The following TMEM150C variants were observed in gnomAD, a reference collection of about 807,000 sequenced individuals.
TMEM150C encodes the protein transmembrane protein 150C.
Under a neutral mutation model 29.9 loss-of-function variants are expected in TMEM150C, and 10 were observed. The observed-to-expected ratio is 0.33, with a 90% CI of 0.21 to 0.57. The LOEUF is 0.57. TMEM150C is among the 20% of genes least tolerant of loss of function. The pLI, the probability that TMEM150C is intolerant of heterozygous loss-of-function variation, is 0.88. For synonymous variants in TMEM150C, 101 were observed against 112.5 expected (o/e 0.90, Z 0.64); for missense variants, 251 against 303.6 (o/e 0.83, Z 1.29).
At chr4:82,541,139 A>AT (rs1000680523) in intron 1 of TMEM150C, among the ~76,000 whole-genome samples, 9 of 152,314 alleles carry the variant, frequency 5.9e-5, no homozygotes, top group African/African-American at 2.2e-4. Flanking sequence ...AGTAAGGATG[A>AT]TTTATATACT....
At chr4:82,512,138 G>T (rs1724146998) in intron 1 of TMEM150C, among the ~76,000 whole-genome samples, 1 of 152,184 alleles carries the variant, frequency 6.6e-6, no homozygotes, top group African/African-American at 2.4e-5. Context: ...CAAATGGGAA[G>T]AATTTGCATC....
At chr4:82,533,530 A>C (rs1490993863) in intron 1 of TMEM150C, among the ~76,000 whole-genome samples, 2 of 152,200 alleles carry the variant, frequency 1.3e-5, no homozygotes, top group Non-Finnish European at 2.9e-5. Flanking sequence ...ATTTTTTTAC[A>C]TATCTACCGT....
chr4:82,495,418 G>A, intron 6 of TMEM150C: 1 of 288,378 alleles, frequency 3.5e-6, no homozygotes, highest in Non-Finnish European at 6.6e-6. Context: ...TAAAACCTGG[G>A]CGACAGAGCG....
Position 82,490,315 on chromosome 4 carries a change from G to A in TMEM150C, c.364-77C>T, listed in dbSNP as rs534511077. 6.7e-5 allele frequency: 85 copies of A among 1,259,458 alleles called. No homozygotes were observed. The African/African-American group carries it at 9.6e-4, about 14-fold the overall frequency. The allele number at this position is 1,259,458 out of a possible 1,614,324, so 78.0% of individuals were successfully genotyped here. ...AGGCAAGTTGAAGGAATGAATATAT[G>A]AGGGGAAAAGATAGGAAAAGAAATA... On this transcript the variant is annotated intron_variant, in intron 6 of 7. Transcript: ENST00000449862.
chr4:82,536,300 G>A (rs369207002), intron 1 of TMEM150C, among the ~76,000 whole-genome samples: 7 of 148,392 alleles, frequency 4.7e-5, no homozygotes, highest in South Asian at 4.3e-4. Flanking sequence ...GGAGGTTGCC[G>A]TGAGCTGAGA....
At chr4:82,531,679 C>T (rs368898245) in intron 1 of TMEM150C, among the ~76,000 whole-genome samples, 10 of 141,792 alleles carry the variant, frequency 7.1e-5, no homozygotes, top group Non-Finnish European at 1.1e-4. Flanking sequence ...TGCTTGAACC[C>T]GGGAGGTGGA....
At chr4:82,514,894 G>GA (rs916096012) in intron 1 of TMEM150C, among the ~76,000 whole-genome samples, 5 of 151,266 alleles carry the variant, frequency 3.3e-5, no homozygotes, top group African/African-American at 1.2e-4. Flanking sequence ...ACTGTTATGT[G>GA]AAAAAAAAAT....
At chr4:82,500,517 A>G (rs1723704281) in intron 5 of TMEM150C, among the ~76,000 whole-genome samples, 1 of 152,232 alleles carries the variant, frequency 6.6e-6, no homozygotes. Context: ...AAGATAATAC[A>G]GAATAAACAC....
intron 1 of TMEM150C, among the ~76,000 whole-genome samples, chr4:82,547,692 G>A (rs1388743251): frequency 1.3e-5 from 2 of 152,186 alleles, no homozygotes; most frequent in Admixed American, 6.5e-5. Context: ...TTATTAAAAT[G>A]TCAAAAAACA....
At chr4:82,552,565 G>A (rs1725614303) in intron 1 of TMEM150C, among the ~76,000 whole-genome samples, 1 of 152,150 alleles carries the variant, frequency 6.6e-6, no homozygotes, top group Non-Finnish European at 1.5e-5. Flanking sequence ...GTGGAATTCT[G>A]AAGTACACAG....
intron 1 of TMEM150C, among the ~76,000 whole-genome samples, chr4:82,520,470 T>C (rs1010115203): frequency 3.2e-4 from 49 of 152,230 alleles, no homozygotes; most frequent in African/African-American, 1.1e-3. Flanking sequence ...CCTCAATTTC[T>C]CCCACACCCC....
At position 82,493,018 on chromosome 4, in the gene TMEM150C, TA is replaced by T. The variant is rs887944523; in HGVS notation, c.364-2781del. ...CTTCCTTTTCCTTTTCTTCAACATA[TA>T]TTTTTTAATTGCACATATAAGAAAG... is the stretch of plus-strand genomic sequence containing the variant. On this transcript the variant is annotated intron_variant, in intron 6 of 7. Coordinates refer to ENST00000449862, the MANE Select transcript of TMEM150C (RefSeq NM_001080506.3). Among the ~76,000 whole-genome samples, 35 of 151,084 alleles carry T rather than the reference TA, an allele frequency of 2.3e-4. No homozygotes were observed. In the Middle Eastern group the frequency reaches 0.01, roughly 44 times the overall value.
At position 82,485,484 on chromosome 4, in the gene TMEM150C, C is replaced by T. The variant is rs1468686947; in HGVS notation, c.*27G>A. 11 of 1,562,660 alleles carry T rather than the reference C, an allele frequency of 7.0e-6. No individual in the cohort carries two copies. The Admixed American group carries it at 2.1e-4, about 30-fold the overall frequency. ...GGCCCCTCCCCCACTGTCACACCCA[C>T]CTCACCAGCAAGGAAAAACTGATGG... On this transcript the variant is annotated 3_prime_UTR_variant, in exon 8 of 8. Coordinates refer to ENST00000449862, the MANE Select transcript of TMEM150C (RefSeq NM_001080506.3).
intron 7 of TMEM150C, among the ~76,000 whole-genome samples, chr4:82,487,406 G>A (rs1016066697): frequency 1.3e-5 from 2 of 152,146 alleles, no homozygotes; most frequent in African/African-American, 4.8e-5. Context: ...CCAATATCAT[G>A]CCCCTGCACT....
At chr4:82,513,179 T>C (rs529282370) in intron 1 of TMEM150C, among the ~76,000 whole-genome samples, 1 of 152,308 alleles carries the variant, frequency 6.6e-6, no homozygotes, top group South Asian at 2.1e-4. Context: ...AGACACTTCA[T>C]ACAGGAGAGC....
intron 1 of TMEM150C, among the ~76,000 whole-genome samples, chr4:82,561,176 GA>G (rs1725909851): frequency 6.6e-6 from 1 of 152,156 alleles, no homozygotes; most frequent in South Asian, 2.1e-4. Context: ...TTAAGGAGGG[GA>G]AAACCACTCA....
At chr4:82,487,567 CTTT>C (rs1356560035) in intron 7 of TMEM150C, among the ~76,000 whole-genome samples, 4 of 152,150 alleles carry the variant, frequency 2.6e-5, no homozygotes, top group Admixed American at 2.6e-4. Context: ...AGCATATCTC[CTTT>C]TATCTTATAT....
chr4:82,531,775 A>G (rs1177194726), intron 1 of TMEM150C, among the ~76,000 whole-genome samples: 1 of 151,666 alleles, frequency 6.6e-6, no homozygotes, highest in East Asian at 1.9e-4. Context: ...AAAAAAAAAA[A>G]AAAGGTCATG....
At chr4:82,505,717 T>C (rs1324985073) in intron 1 of TMEM150C, among the ~76,000 whole-genome samples, 1 of 152,134 alleles carries the variant, frequency 6.6e-6, no homozygotes, top group African/African-American at 2.4e-5. Flanking sequence ...AAATTAGTGC[T>C]AATAAATAGA....
Sources: allele counts gnomAD v4.1 joint callset (sites outside exome capture counted in the v4.1 genomes callset), GRCh38; gene constraint gnomAD v4.1.1; transcripts MANE v1.5; gene names NCBI Gene and HGNC (gene_info 2026-07-23, HGNC 2026-07-21).